The following ORC4 variants were observed in gnomAD, a reference collection of about 807,000 sequenced individuals.
ORC4 encodes the protein origin recognition complex subunit 4.
In ORC4, 55 loss-of-function variants were observed where a neutral mutation model predicts 63.9. The ratio of observed to expected loss-of-function variants is 0.86; its 90% CI spans 0.69 to 1.08. The LOEUF is 1.08. Among genes scored for constraint, ORC4 ranks in the 50% least tolerant of loss-of-function variants. ORC4 has a pLI of 0.00. For synonymous variants in ORC4, 150 were observed against 168.5 expected (o/e 0.89, Z 0.85); for missense variants, 511 against 504.4 (o/e 1.01, Z -0.13).
chr2:148,016,054 C>T (rs1693263351), intron 1 of ORC4, among the ~76,000 whole-genome samples: 1 of 152,098 alleles, frequency 6.6e-6, no homozygotes, highest in South Asian at 2.1e-4. Flanking sequence ...CACAGTTGTT[C>T]AGTATTTGAA....
chr2:147,950,451 A>C (rs1237450854), intron 8 of ORC4, among the ~76,000 whole-genome samples: 1 of 152,180 alleles, frequency 6.6e-6, no homozygotes, highest in African/African-American at 2.4e-5. Flanking sequence ...TTCTCTCCCT[A>C]TAAACGTGGA....
chr2:147,973,067 A>T (rs1690315150), intron 3 of ORC4, among the ~76,000 whole-genome samples: 1 of 152,152 alleles, frequency 6.6e-6, no homozygotes, highest in Non-Finnish European at 1.5e-5. Flanking sequence ...ATATTGATTT[A>T]TACGATAGTA....
At chr2:147,984,864 C>T (rs1414938971) in intron 1 of ORC4, among the ~76,000 whole-genome samples, 1 of 152,210 alleles carries the variant, frequency 6.6e-6, no homozygotes, top group Non-Finnish European at 1.5e-5. Context: ...TACATGCTAA[C>T]TAAAGCAGGA....
chr2:147,980,693 T>C (rs1384766250), intron 1 of ORC4, among the ~76,000 whole-genome samples: 3 of 152,040 alleles, frequency 2.0e-5, no homozygotes, highest in African/African-American at 7.2e-5. Flanking sequence ...GGAAGGCTAT[T>C]GTCAAAAAAA....
At chr2:147,956,391 A>G (rs1689253710) in intron 6 of ORC4, among the ~76,000 whole-genome samples, 1 of 152,098 alleles carries the variant, frequency 6.6e-6, no homozygotes, top group African/African-American at 2.4e-5. Context: ...CTTGTCTTTC[A>G]GGCTTTTTGC....
intron 1 of ORC4, among the ~76,000 whole-genome samples, chr2:147,987,718 T>C (rs1437985369): frequency 6.6e-6 from 1 of 152,030 alleles, no homozygotes; most frequent in African/African-American, 2.4e-5. Context: ...TTCATATAAA[T>C]GGTCAGTAAG....
chr2:147,987,787 C>T (rs1455406366), intron 1 of ORC4, among the ~76,000 whole-genome samples: 1 of 152,114 alleles, frequency 6.6e-6, no homozygotes. Flanking sequence ...GGCACAGTGG[C>T]TCCCACCTGT....
intron 1 of ORC4, among the ~76,000 whole-genome samples, chr2:148,006,206 T>G (rs1356607706): frequency 6.6e-6 from 1 of 152,158 alleles, no homozygotes; most frequent in African/African-American, 2.4e-5. Flanking sequence ...GACTTTGCGC[T>G]GGAACTCAGT....
chr2:147,975,850 G>T, intron 2 of ORC4, 52 bp downstream of exon 2: 6 of 1,042,150 alleles, frequency 5.8e-6, no homozygotes, highest in Non-Finnish European at 9.1e-6. Context: ...CTATTTCTCT[G>T]AACAGCTTTA....
At chr2:147,943,648 T>C (rs750145497) in intron 9 of ORC4, 126 bp from the exon 10 acceptor site, 1 of 649,218 alleles carries the variant, frequency 1.5e-6, no homozygotes, top group Non-Finnish European at 2.7e-6. Flanking sequence ...CATTATTAAA[T>C]AGATGTTGGT....
chr2:147,947,728 A>C (rs1688734790), intron 9 of ORC4: 1 of 154,174 alleles, frequency 6.5e-6, no homozygotes. Context: ...TTATTGCTAA[A>C]TATGTAAAAT....
rs192738250 is a variant in ORC4, at chr2:147,962,173, C to T, written c.226-3307G>A. 3.4e-3 allele frequency among the ~76,000 whole-genome samples: 515 copies of T among 152,220 alleles called. 5 individuals carry two copies. The highest frequency in any genetic ancestry group is 6.5e-4 in the Non-Finnish European group (44 of 68,012). The stretch of plus-strand genomic sequence containing the variant: ...TCTTCCCGTAGTCAGGAGGGACTTC[C>T]CGTTCTGGGGAAAAGGTAAGCAGAA... On this transcript the variant is annotated intron_variant, in intron 4 of 13. Transcript: ENST00000392857.
At position 148,008,466 on chromosome 2, in the gene ORC4, T is replaced by C. The variant is rs17225214; in HGVS notation, c.-18+12167A>G. Among the ~76,000 whole-genome samples the C allele has an allele frequency of 4.6e-5, 7 of 152,330 alleles. No individual in the cohort carries two copies. In the South Asian group the frequency reaches 1.2e-3, roughly 27 times the overall value. ...GTTAGATATGAGTTCTAAATTTCTT[T>C]TCAAAGAATTAGTGTGTCAGTATGT... On this transcript the variant is annotated intron_variant, in intron 1 of 13. Coordinates refer to ENST00000392857, the MANE Select transcript of ORC4 (RefSeq NM_181741.4).
chr2:147,998,396 T>A (rs1398520315), intron 1 of ORC4, among the ~76,000 whole-genome samples: 2 of 152,192 alleles, frequency 1.3e-5, no homozygotes, highest in Non-Finnish European at 2.9e-5. Flanking sequence ...AGATGCCTCA[T>A]AAATGGCTCA....
chr2:147,969,409 TTATTA>T (rs1365558644), intron 4 of ORC4, among the ~76,000 whole-genome samples: 3 of 152,098 alleles, frequency 2.0e-5, no homozygotes, highest in Non-Finnish European at 4.4e-5. Context: ...AAGTGTATAA[TTATTA>T]TGAGTCAATT....
intron 10 of ORC4, among the ~76,000 whole-genome samples, chr2:147,939,845 C>T (rs1481839595): frequency 6.6e-6 from 1 of 151,936 alleles, no homozygotes; most frequent in Non-Finnish European, 1.5e-5. Flanking sequence ...TGAAGATTTC[C>T]TTCCTTCCTT....
chr2:147,975,369 T>C (rs945551908), intron 2 of ORC4, among the ~76,000 whole-genome samples: 3 of 152,120 alleles, frequency 2.0e-5, no homozygotes, highest in Non-Finnish European at 4.4e-5. Flanking sequence ...ATCCTACAGT[T>C]AACATCATAT....
At chr2:147,970,819 A>C (rs1690168469) in intron 4 of ORC4, among the ~76,000 whole-genome samples, 1 of 152,094 alleles carries the variant, frequency 6.6e-6, no homozygotes, top group African/African-American at 2.4e-5. Context: ...GATAGAAAAA[A>C]CTGACAAATT....
At chr2:147,956,318 A>G (rs1482302624) in intron 6 of ORC4, among the ~76,000 whole-genome samples, 2 of 152,146 alleles carry the variant, frequency 1.3e-5, no homozygotes, top group African/African-American at 4.8e-5. Flanking sequence ...AATTTACCGT[A>G]ATATAACAAA....
Sources: allele counts gnomAD v4.1 joint callset (sites outside exome capture counted in the v4.1 genomes callset), GRCh38; gene constraint gnomAD v4.1.1; transcripts MANE v1.5; gene names NCBI Gene and HGNC (gene_info 2026-07-23, HGNC 2026-07-21).